Variants in TMEM87B observed in about 807,000 individuals in gnomAD.
The protein encoded by TMEM87B is transmembrane protein 87B.
Under a neutral mutation model 80.3 loss-of-function variants are expected in TMEM87B, and 83 were observed. The ratio of observed to expected loss-of-function variants is 1.03; its 90% CI spans 0.87 to 1.24. The LOEUF (loss-of-function observed/expected upper bound fraction) is 1.24. Among genes scored for constraint, TMEM87B ranks in the 50% most tolerant of loss-of-function variants. The pLI, the probability that TMEM87B is intolerant of heterozygous loss-of-function variation, is 0.00. For synonymous variants in TMEM87B, 219 were observed against 230.5 expected (o/e 0.95, Z 0.45); for missense variants, 625 against 674.4 (o/e 0.93, Z 0.81).
intron 9 of TMEM87B, among the ~76,000 whole-genome samples, chr2:112,089,201 T>A (rs1679232561): frequency 2.0e-5 from 3 of 152,196 alleles, no homozygotes; most frequent in African/African-American, 7.2e-5. Context: ...TCTGCCCAAG[T>A]CATGAGACAA....
At position 112,095,165 on chromosome 2, in the gene TMEM87B, C is replaced by CTTTTTTTTTTTTTTTTTTTTTTTT. The variant is rs749222333; in HGVS notation, c.1105-1855_1105-1832dup. 18 of 540,880 alleles carry CTTTTTTTTTTTTTTTTTTTTTTTT rather than the reference C, an allele frequency of 3.3e-5. 2 individuals are homozygous for CTTTTTTTTTTTTTTTTTTTTTTTT. Among genetic ancestry groups the CTTTTTTTTTTTTTTTTTTTTTTTT allele is most frequent in the Admixed American group, 3.5e-4 (1 of 2,864 alleles). The allele number at this position is 540,880 out of a possible 1,614,324, so 33.5% of individuals were successfully genotyped here. A position where few individuals can be genotyped will look rare whatever the true frequency, so the allele number is the denominator to read the frequency against. On this transcript the variant is annotated intron_variant, in intron 11 of 18. Coordinates refer to ENST00000283206, the MANE Select transcript of TMEM87B (RefSeq NM_032824.3). ...CGTTTCTCTTTTCTTTTCTTTCTTTCTTTTTTTTTTTTTTTTTTTTTTTTT... is the reference window on the plus strand; with the variant it reads ...CGTTTCTCTTTTCTTTTCTTTCTTTCTTTTTTTTTTTTTTTTTTTTTTTTTTTTTTTTTTTTTTTTTTTTTTTTT...
chr2:112,081,214 T>C, intron 7 of TMEM87B, 96 bp downstream of exon 7: 1 of 1,429,434 alleles, frequency 7.0e-7, no homozygotes, highest in South Asian at 1.2e-5. Flanking sequence ...TGCTTTGACA[T>C]ATCCTGTATT....
At chr2:112,075,077 T>C in intron 5 of TMEM87B, 115 bp downstream of exon 5, 1 of 1,405,200 alleles carries the variant, frequency 7.1e-7, no homozygotes. Flanking sequence ...ATTAGAACTG[T>C]GGAAGGAAAA....
chr2:112,057,176 G>A (rs1309378490), intron 1 of TMEM87B, among the ~76,000 whole-genome samples: 1 of 152,222 alleles, frequency 6.6e-6, no homozygotes, highest in Non-Finnish European at 1.5e-5. Context: ...TCTCCCAAGA[G>A]TGGACTTATA....
chr2:112,083,181 G>A (rs1200795342), intron 8 of TMEM87B, among the ~76,000 whole-genome samples: 1 of 152,110 alleles, frequency 6.6e-6, no homozygotes, highest in Non-Finnish European at 1.5e-5. Context: ...TTTTTGTTTT[G>A]GGATGCTAGA....
chr2:112,099,555 T>TATATATACACATAC (rs1019425429), intron 14 of TMEM87B, among the ~76,000 whole-genome samples: 1 of 73,570 alleles, frequency 1.4e-5, no homozygotes, highest in African/African-American at 5.0e-5. Flanking sequence ...TATATATATA[T>TATATATACACATAC]ACACACACAC....
rs1452420206 is a variant in TMEM87B, at chr2:112,118,271, A to C, written c.*2128A>C. 2.0e-5 allele frequency: 3 copies of C among 152,178 alleles called. No individual in the cohort carries two copies. The highest frequency in any genetic ancestry group is 7.2e-5 in the African/African-American group (3 of 41,454). 9.4% of individuals were successfully genotyped at this position (152,178 alleles called of 1,614,324 possible). On this transcript the variant is annotated 3_prime_UTR_variant, in exon 19 of 19. Coordinates refer to ENST00000283206, the MANE Select transcript of TMEM87B (RefSeq NM_032824.3). ...AGGGGTGCTCTAGTGCCATAGCTGT[A>C]GTTCACAGGAAGGACACCAGGAGAA...
intron 8 of TMEM87B, 73 bp from the exon 9 acceptor site, chr2:112,085,932 T>G: frequency 8.2e-7 from 1 of 1,222,514 alleles, no homozygotes; most frequent in Non-Finnish European, 1.2e-6. Flanking sequence ...ACACAGGACA[T>G]GTTGTTGAGA....
At chr2:112,093,638 A>G (rs1165467790) in intron 11 of TMEM87B, among the ~76,000 whole-genome samples, 1 of 152,112 alleles carries the variant, frequency 6.6e-6, no homozygotes, top group Non-Finnish European at 1.5e-5. Flanking sequence ...AATAAATCTG[A>G]TTTTCTCAGA....
At chr2:112,067,154 A>G in intron 4 of TMEM87B, 87 bp downstream of exon 4, 1 of 1,527,154 alleles carries the variant, frequency 6.5e-7, no homozygotes, top group South Asian at 1.2e-5. Context: ...CGGAATTTTG[A>G]TAAAGGTGGT....
chr2:112,083,513 A>G (rs935572222), intron 8 of TMEM87B, among the ~76,000 whole-genome samples: 2 of 152,346 alleles, frequency 1.3e-5, no homozygotes, highest in African/African-American at 2.4e-5. Flanking sequence ...CACTTCCATC[A>G]TTGCAAAAGG....
rs776978333 is a variant in TMEM87B at position 112,107,825 on chromosome 2, C to T, written c.1562C>T (p.Ser521Phe). The change falls in exon 17 of 19, where the codon TCT (serine) becomes TTT (phenylalanine). Residue 521 changes from serine (S) to phenylalanine (F), a missense_variant. By Grantham distance (155) the Ser-to-Phe change is radical. Coordinates refer to ENST00000283206, the MANE Select transcript of TMEM87B (RefSeq NM_032824.3). ...AAGTGGGTAGAAGAAAATATTCCCT[C>T]TTCATTCACAGATGTGTAAGTTATC... ...DLKWVEENIP[S>F]SFTDVALPVL... 8.2e-6 allele frequency: 13 copies of T among 1,582,650 alleles called. No homozygotes were observed. The highest frequency in any genetic ancestry group is 7.8e-6 in the Non-Finnish European group (9 of 1,157,916).
chr2:112,084,371 A>G (rs1429156699), intron 8 of TMEM87B, among the ~76,000 whole-genome samples: 1 of 152,114 alleles, frequency 6.6e-6, no homozygotes, highest in Non-Finnish European at 1.5e-5. Context: ...ACAGACATAT[A>G]TATCCAGTCA....
At chr2:112,060,123 G>T in intron 2 of TMEM87B, 86 bp downstream of exon 2, 1 of 1,345,358 alleles carries the variant, frequency 7.4e-7, no homozygotes, top group South Asian at 1.6e-5. Flanking sequence ...CGAGGCAGGT[G>T]GATCACAAGG....
chr2:112,056,983 G>A (rs1678092064), intron 1 of TMEM87B, among the ~76,000 whole-genome samples: 1 of 152,206 alleles, frequency 6.6e-6, no homozygotes, highest in Non-Finnish European at 1.5e-5. Context: ...CATATTGTTG[G>A]ATTACTTGAA....
intron 18 of TMEM87B, among the ~76,000 whole-genome samples, chr2:112,113,522 G>A (rs796092457): frequency 2.6e-5 from 4 of 152,362 alleles, no homozygotes; most frequent in African/African-American, 9.6e-5. Flanking sequence ...CGTTGAAAGA[G>A]AAGGAAATGA....
intron 17 of TMEM87B, among the ~76,000 whole-genome samples, chr2:112,111,178 G>A (rs919409565): frequency 6.6e-6 from 1 of 152,158 alleles, no homozygotes; most frequent in South Asian, 2.1e-4. Context: ...TTGTGGTTTT[G>A]TTTGTGATCC....
intron 4 of TMEM87B, among the ~76,000 whole-genome samples, chr2:112,073,600 A>T (rs1050289747): frequency 3.9e-5 from 6 of 152,180 alleles, no homozygotes; most frequent in African/African-American, 1.4e-4. Context: ...AGTTCTGTAG[A>T]TGTCTATCAG....
At chr2:112,058,180 G>A (rs1026270185) in intron 1 of TMEM87B, among the ~76,000 whole-genome samples, 5 of 152,196 alleles carry the variant, frequency 3.3e-5, no homozygotes, top group African/African-American at 1.2e-4. Flanking sequence ...GAGGGGAACA[G>A]AGCAGCAGCA....
Sources: allele counts gnomAD v4.1 joint callset (sites outside exome capture counted in the v4.1 genomes callset), GRCh38; gene constraint gnomAD v4.1.1; transcripts MANE v1.5; gene names NCBI Gene and HGNC (gene_info 2026-07-23, HGNC 2026-07-21).